The following IL1RAPL1 variants were observed in gnomAD, a reference collection of about 807,000 sequenced individuals.
IL1RAPL1 encodes interleukin-1 receptor accessory protein-like 1.
A neutral mutation model predicts 48.4 loss-of-function variants in IL1RAPL1; 3 were observed. That is an observed-to-expected ratio of 0.06 (90% CI 0.03 to 0.16). The LOEUF (loss-of-function observed/expected upper bound fraction) is 0.16. Among genes scored for constraint, IL1RAPL1 ranks in the 10% least tolerant of loss-of-function variants. The probability of loss-of-function intolerance (pLI) is 1.00; values close to 1 mark genes in which losing one functional copy is unlikely to be tolerated. For synonymous variants in IL1RAPL1, 185 were observed against 187.7 expected (o/e 0.99, Z 0.12); for missense variants, 349 against 530.6 (o/e 0.66, Z 3.36).
At chrX:29,220,372 A>G (rs1256104494) in intron 2 of IL1RAPL1, among the ~76,000 whole-genome samples, 3 of 112,585 alleles carry the variant, frequency 2.7e-5, no homozygotes, top group African/African-American at 9.7e-5. Flanking sequence ...ACATTAGTAC[A>G]TTTTTGGAGA....
At chrX:28,665,485 CT>C (rs1174482728) in intron 1 of IL1RAPL1, among the ~76,000 whole-genome samples, 1 of 109,396 alleles carries the variant, frequency 9.1e-6, no homozygotes, top group African/African-American at 3.3e-5. Flanking sequence ...ATAAGTGGTA[CT>C]TTTTTTTTGT....
chrX:29,536,516 G>C (rs1921237778), intron 5 of IL1RAPL1, among the ~76,000 whole-genome samples: 1 of 111,499 alleles, frequency 9.0e-6, no homozygotes, highest in African/African-American at 3.2e-5. Context: ...AAAAATGTTT[G>C]TGGTGAGAAT....
intron 2 of IL1RAPL1, among the ~76,000 whole-genome samples, chrX:29,202,621 A>G (rs1054683276): frequency 1.8e-5 from 2 of 112,043 alleles, no homozygotes; most frequent in Non-Finnish European, 3.8e-5. Context: ...ATGCCCATCA[A>G]TGGTAGACTG....
rs184267427 is a variant in IL1RAPL1 at position 28,935,511 on chromosome X, C to T, written c.82+146086C>T. On this transcript the variant is annotated intron_variant, in intron 2 of 10. Coordinates refer to ENST00000378993, the MANE Select transcript of IL1RAPL1 (RefSeq NM_014271.4). ...TGTCCATCTTTACACCAGTACCACA[C>T]TATTTTGATTATCAGCACTGAGAGA... is the stretch of plus-strand genomic sequence containing the variant. Among the ~76,000 whole-genome samples, 11 of 111,789 alleles carry T rather than the reference C, an allele frequency of 9.8e-5. No individual in the cohort carries two copies. In the East Asian group the frequency reaches 3.1e-3, roughly 32 times the overall value.
intron 6 of IL1RAPL1, among the ~76,000 whole-genome samples, chrX:29,706,528 A>G (rs187438207): frequency 8.9e-6 from 1 of 111,935 alleles, no homozygotes; most frequent in Admixed American, 9.5e-5. Flanking sequence ...CAAAGGGGCT[A>G]CAGGCCTCAT....
chrX:29,090,751 G>T (rs1928071476), intron 2 of IL1RAPL1, among the ~76,000 whole-genome samples: 1 of 111,818 alleles, frequency 8.9e-6, no homozygotes, highest in Non-Finnish European at 1.9e-5. Context: ...AAAATGAAAA[G>T]AATAAGGTGG....
intron 3 of IL1RAPL1, chrX:29,369,630 T>C (rs1933516531): frequency 9.0e-6 from 1 of 111,507 alleles, no homozygotes; most frequent in Non-Finnish European, 1.9e-5. Context: ...ATGATTCAAG[T>C]ATCTCCACCT....
chrX:29,652,059 C>T (rs776498881), intron 5 of IL1RAPL1, among the ~76,000 whole-genome samples: 35 of 111,574 alleles, frequency 3.1e-4, no homozygotes, highest in African/African-American at 1.1e-3. Context: ...TTTTTAATGG[C>T]AGTTTTTAAT....
At chrX:28,791,239 C>T (rs1936536749) in intron 2 of IL1RAPL1, among the ~76,000 whole-genome samples, 2 of 110,899 alleles carry the variant, frequency 1.8e-5, no homozygotes, top group South Asian at 7.5e-4. Context: ...GAAATTTTAT[C>T]AAACTGGGAC....
intron 2 of IL1RAPL1, among the ~76,000 whole-genome samples, chrX:29,057,284 A>G (rs1265805212): frequency 8.9e-6 from 1 of 111,790 alleles, no homozygotes; most frequent in African/African-American, 3.3e-5. Context: ...TCCTGGGCTT[A>G]TACATTTTTT....
intron 5 of IL1RAPL1, among the ~76,000 whole-genome samples, chrX:29,569,411 G>A (rs745974746): frequency 9.0e-6 from 1 of 110,987 alleles, no homozygotes; most frequent in South Asian, 3.8e-4. Flanking sequence ...TTCATTCAGG[G>A]TATATTAACA....
intron 6 of IL1RAPL1, among the ~76,000 whole-genome samples, chrX:29,885,682 G>C (rs761951143): frequency 9.0e-6 from 1 of 111,329 alleles, no homozygotes; most frequent in Admixed American, 9.5e-5. Flanking sequence ...AGCTGAGTGT[G>C]GTGGCATGCA....
intron 5 of IL1RAPL1, among the ~76,000 whole-genome samples, chrX:29,537,592 C>A (rs1602285236): frequency 4.6e-5 from 4 of 87,448 alleles, no homozygotes; most frequent in African/African-American, 1.3e-4. Context: ...GAAAACAGAT[C>A]AAAACAAAAA....
chrX:28,891,703 C>T (rs1922774080), intron 2 of IL1RAPL1, among the ~76,000 whole-genome samples: 1 of 111,766 alleles, frequency 8.9e-6, no homozygotes, highest in Non-Finnish European at 1.9e-5. Context: ...TTGTTTCCAC[C>T]TCTTGGTTAT....
At chrX:28,782,311 A>G (rs1936431396) in intron 1 of IL1RAPL1, among the ~76,000 whole-genome samples, 1 of 111,945 alleles carries the variant, frequency 8.9e-6, no homozygotes, top group African/African-American at 3.2e-5. Flanking sequence ...TTTGACTAGA[A>G]GTGCATATTC....
intron 5 of IL1RAPL1, among the ~76,000 whole-genome samples, chrX:29,451,589 A>T (rs185118858): frequency 9.0e-6 from 1 of 111,614 alleles, no homozygotes; most frequent in Non-Finnish European, 1.9e-5. Context: ...CCAAGGAGTT[A>T]CTTGAATTTG....
chrX:29,004,508 T>C (rs1020145914), intron 2 of IL1RAPL1, among the ~76,000 whole-genome samples: 3 of 112,272 alleles, frequency 2.7e-5, no homozygotes, highest in Non-Finnish European at 3.8e-5. Flanking sequence ...CCAAGTCTTA[T>C]GAATGTGAAC....
intron 1 of IL1RAPL1, among the ~76,000 whole-genome samples, chrX:28,619,607 CAA>C (rs55856491): frequency 1.4e-3 from 78 of 57,240 alleles, no homozygotes; most frequent in Admixed American, 4.9e-3. Flanking sequence ...ACCCCGTCTC[CAA>C]AAAAAAAAAA....
intron 2 of IL1RAPL1, among the ~76,000 whole-genome samples, chrX:29,091,945 GTAAAA>G (rs1165903198): frequency 9.0e-6 from 1 of 111,705 alleles, no homozygotes; most frequent in African/African-American, 3.2e-5. Flanking sequence ...GTCAAAAAAA[GTAAAA>G]TAAAATAATA....
Sources: gnomAD v4.1 joint callset for allele counts (sites outside exome capture counted in the v4.1 genomes callset) on GRCh38, gnomAD v4.1.1 for gene constraint, MANE v1.5 for transcripts, NCBI Gene and HGNC (gene_info 2026-07-23, HGNC 2026-07-21) for gene names.